The following XYLT1 variants were observed in gnomAD, a reference collection of about 807,000 sequenced individuals.
XYLT1 encodes beta-D-xylosyltransferase 1.
A neutral mutation model predicts 91.3 loss-of-function variants in XYLT1; 36 were observed. That is an observed-to-expected ratio of 0.39 (90% CI 0.30 to 0.52). The LOEUF (loss-of-function observed/expected upper bound fraction) is 0.52, where lower values mean the gene tolerates loss of function less well. Among genes scored for constraint, XYLT1 ranks in the 20% least tolerant of loss-of-function variants. The pLI, the probability that XYLT1 is intolerant of heterozygous loss-of-function variation, is 0.68. For missense variants in XYLT1, 1,242 were observed against 1,284.5 expected, an observed-to-expected ratio of 0.97 and a Z score of 0.51; for synonymous variants, 588 against 532.0, an observed-to-expected ratio of 1.11 and a Z score of -1.45.
chr16:17,240,561 G>C (rs1340670212), intron 3 of XYLT1, among the ~76,000 whole-genome samples: 1 of 152,200 alleles, frequency 6.6e-6, no homozygotes, highest in Admixed American at 6.5e-5. Context: ...GGACCCAGCA[G>C]TGATATTCAG....
intron 1 of XYLT1, among the ~76,000 whole-genome samples, chr16:17,465,000 C>T (rs2036870753): frequency 6.6e-6 from 1 of 151,682 alleles, no homozygotes; most frequent in African/African-American, 2.4e-5. Context: ...AAAAATTAGC[C>T]AGGCGTGGTG....
chr16:17,194,849 T>A (rs1488593040), intron 5 of XYLT1, among the ~76,000 whole-genome samples: 1 of 152,262 alleles, frequency 6.6e-6, no homozygotes, highest in Non-Finnish European at 1.5e-5. Context: ...GAAACAAGTG[T>A]CTGCCACACT....
chr16:17,117,758 G>A lies in XYLT1; in HGVS notation c.2445C>T (p.Pro815=), dbSNP rs1234631512. 5.0e-6 allele frequency: 8 copies of A among 1,614,198 alleles called. No individual in the cohort carries two copies. Among genetic ancestry groups the A allele is most frequent in the Admixed American group, 3.3e-5 (2 of 60,012 alleles). The change falls in exon 11 of 12, where the codon CCC becomes CCT. Residue 815 remains proline, a synonymous_variant. Transcript: ENST00000261381. ...TCACTGTCCAGACCCCAGGCCTCAG[G>A]GGCAAGTTCAAAGGGGGCTTGTAGT... ...FTHYKPPLNL[P]LRPGVWTVKI... is the part of the protein sequence containing the mutation.
chr16:17,255,327 G>T (rs1342261076), intron 3 of XYLT1, among the ~76,000 whole-genome samples: 1 of 152,014 alleles, frequency 6.6e-6, no homozygotes, highest in African/African-American at 2.4e-5. Context: ...AGGTTTAATG[G>T]GAACATAGCG....
intron 1 of XYLT1, among the ~76,000 whole-genome samples, chr16:17,417,435 G>C (rs1324897035): frequency 6.6e-6 from 1 of 151,978 alleles, no homozygotes. Context: ...CCTGTGCCTG[G>C]ATTACTCTGA....
intron 2 of XYLT1, among the ~76,000 whole-genome samples, chr16:17,263,608 G>C (rs74528468): frequency 0.067 from 10,112 of 151,758 alleles, 1,105 homozygotes; most frequent in African/African-American, 0.23. Context: ...CGCAGTCAGC[G>C]AGAATTGGAG....
chr16:17,389,461 T>C (rs991512964), intron 1 of XYLT1, among the ~76,000 whole-genome samples: 5 of 152,202 alleles, frequency 3.3e-5, no homozygotes, highest in African/African-American at 9.7e-5. Flanking sequence ...AGAACAATCA[T>C]TGTAAGAGGC....
chr16:17,214,956 A>G (rs1191738128), intron 3 of XYLT1, among the ~76,000 whole-genome samples: 1 of 152,192 alleles, frequency 6.6e-6, no homozygotes, highest in Non-Finnish European at 1.5e-5. Flanking sequence ...TTCCAAAGAC[A>G]GGATTTGCTA....
At chr16:17,455,376 G>C (rs1000353700) in intron 1 of XYLT1, among the ~76,000 whole-genome samples, 3 of 152,150 alleles carry the variant, frequency 2.0e-5, no homozygotes, top group Admixed American at 1.3e-4. Context: ...AGTATAAAGA[G>C]AACGAGAGCA....
intron 1 of XYLT1, among the ~76,000 whole-genome samples, 184 bp downstream of exon 1, chr16:17,470,250 G>T (rs1716128419): frequency 6.6e-6 from 1 of 152,174 alleles, no homozygotes; most frequent in African/African-American, 2.4e-5. Flanking sequence ...TCTGAAAGGG[G>T]CAGCCCACGA....
At chr16:17,140,842 A>T (rs926089583) in intron 7 of XYLT1, among the ~76,000 whole-genome samples, 1 of 152,180 alleles carries the variant, frequency 6.6e-6, no homozygotes, top group Non-Finnish European at 1.5e-5. Flanking sequence ...TTCTTGTTCT[A>T]ACAAAATCTG....
At chr16:17,159,423 C>T (rs1199419921) in intron 5 of XYLT1, among the ~76,000 whole-genome samples, 1 of 152,200 alleles carries the variant, frequency 6.6e-6, no homozygotes, top group Non-Finnish European at 1.5e-5. Flanking sequence ...TTACATCACT[C>T]TGTTTATAAT....
intron 2 of XYLT1, among the ~76,000 whole-genome samples, chr16:17,354,439 C>T (rs1369205306): frequency 6.6e-6 from 1 of 152,144 alleles, no homozygotes; most frequent in Admixed American, 6.5e-5. Context: ...GGCTGAGGAC[C>T]GTTGCAATTC....
intron 3 of XYLT1, among the ~76,000 whole-genome samples, chr16:17,216,963 G>A (rs1399571044): frequency 1.3e-5 from 2 of 152,254 alleles, no homozygotes; most frequent in Non-Finnish European, 2.9e-5. Flanking sequence ...CTAGAGGGCA[G>A]GGATGGTGTT....
chr16:17,143,614 C>T (rs968129533), intron 6 of XYLT1, among the ~76,000 whole-genome samples: 9 of 152,214 alleles, frequency 5.9e-5, no homozygotes, highest in South Asian at 2.1e-4. Context: ...TGTCTTCTTC[C>T]TCTCCCCTTC....
chr16:17,136,661 A>G (rs1045582297), intron 8 of XYLT1, among the ~76,000 whole-genome samples: 1 of 151,790 alleles, frequency 6.6e-6, no homozygotes, highest in Non-Finnish European at 1.5e-5. Flanking sequence ...GATTCCGACC[A>G]TAGCTGGATC....
chr16:17,109,980 C>T (rs1482340448), intron 11 of XYLT1, among the ~76,000 whole-genome samples: 1 of 152,190 alleles, frequency 6.6e-6, no homozygotes, highest in Non-Finnish European at 1.5e-5. Context: ...CAAACTAGCT[C>T]TCATAACAGT....
At chr16:17,133,523 A>C (rs1277530116) in intron 9 of XYLT1, among the ~76,000 whole-genome samples, 1 of 151,934 alleles carries the variant, frequency 6.6e-6, no homozygotes, top group East Asian at 1.9e-4. Context: ...GCTCAATGGA[A>C]TACTAGAGGC....
At chr16:17,235,843 A>G (rs1319951510) in intron 3 of XYLT1, among the ~76,000 whole-genome samples, 1 of 152,082 alleles carries the variant, frequency 6.6e-6, no homozygotes, top group Non-Finnish European at 1.5e-5. Context: ...AATCACATAC[A>G]TCACTCTCTA....
Sources: allele counts gnomAD v4.1 joint callset (sites outside exome capture counted in the v4.1 genomes callset), GRCh38; gene constraint gnomAD v4.1.1; transcripts MANE v1.5; gene names NCBI Gene and HGNC (gene_info 2026-07-23, HGNC 2026-07-21).